The following KIF26B variants were observed in gnomAD, a reference collection of about 807,000 sequenced individuals.
KIF26B encodes the protein kinesin family member 26B, also known as kinesin-like protein KIF26B.
Under a neutral mutation model 151.2 loss-of-function variants are expected in KIF26B, and 63 were observed. The ratio of observed to expected loss-of-function variants is 0.42; its 90% CI spans 0.34 to 0.51. The LOEUF (loss-of-function observed/expected upper bound fraction) is 0.51, where lower values mean the gene tolerates loss of function less well. KIF26B is among the 20% of genes least tolerant of loss of function. KIF26B has a pLI of 0.07. For synonymous variants in KIF26B, 1,357 were observed against 1,262.1 expected, an observed-to-expected ratio of 1.08 and a Z score of -1.59; for missense variants, 2,813 against 2,913.6, an observed-to-expected ratio of 0.97 and a Z score of 0.79.
intron 2 of KIF26B, among the ~76,000 whole-genome samples, chr1:245,243,877 AGAAAGGAAAG>A (rs56034883): frequency 6.6e-6 from 1 of 151,198 alleles, no homozygotes. Context: ...AGAAAAAGAA[AGAAAGGAAAG>A]GAAAGGAAAG....
chr1:245,656,428 G>A (rs766019077), intron 10 of KIF26B, among the ~76,000 whole-genome samples: 7 of 152,186 alleles, frequency 4.6e-5, no homozygotes, highest in Non-Finnish European at 1.0e-4. Flanking sequence ...CACAAATCAT[G>A]ACAAACCACT....
At chr1:245,568,082 T>C (rs1311334170) in intron 5 of KIF26B, among the ~76,000 whole-genome samples, 3 of 145,830 alleles carry the variant, frequency 2.1e-5, no homozygotes, top group Admixed American at 7.3e-5. Flanking sequence ...GGCAGGAGAA[T>C]TGCTTGAACT....
rs140752528 is a variant in KIF26B at position 245,302,749 on chromosome 1, G to T, written c.466-64085G>T. The stretch of plus-strand genomic sequence containing the variant: ...CTCACACCTGTAATCCCAGCACTTT[G>T]GGAGGCCAAGGTGGGCGGACCAAGA... On this transcript the variant is annotated intron_variant, in intron 2 of 14. Coordinates refer to ENST00000407071, the MANE Select transcript of KIF26B (RefSeq NM_018012.4). Among the ~76,000 whole-genome samples, 11 of 152,188 alleles carry T rather than the reference G, an allele frequency of 7.2e-5. No individual in the cohort carries two copies. In the East Asian group the frequency reaches 2.1e-3, roughly 29 times the overall value.
intron 2 of KIF26B, among the ~76,000 whole-genome samples, chr1:245,231,471 G>A (rs1057439527): frequency 2.6e-5 from 4 of 152,100 alleles, no homozygotes; most frequent in African/African-American, 4.8e-5. Context: ...AGCCAAGTTC[G>A]TGCCACTGCG....
chr1:245,577,277 A>T (rs2043127162), intron 5 of KIF26B, among the ~76,000 whole-genome samples: 2 of 152,102 alleles, frequency 1.3e-5, no homozygotes, highest in South Asian at 4.2e-4. Flanking sequence ...TATCCTCTGG[A>T]TGCCAGTAGC....
intron 2 of KIF26B, among the ~76,000 whole-genome samples, chr1:245,283,512 T>C (rs537557159): frequency 5.3e-5 from 8 of 152,178 alleles, no homozygotes; most frequent in Non-Finnish European, 1.0e-4. Context: ...GGGGAGTTAT[T>C]GGTCTGTGAC....
At chr1:245,165,782 G>A (rs1369686920) in intron 2 of KIF26B, among the ~76,000 whole-genome samples, 2 of 152,192 alleles carry the variant, frequency 1.3e-5, no homozygotes, top group Non-Finnish European at 2.9e-5. Flanking sequence ...AAGGTCTGAT[G>A]CCCTGGAGAG....
chr1:245,299,956 A>C (rs980556252), intron 2 of KIF26B, among the ~76,000 whole-genome samples: 3 of 152,216 alleles, frequency 2.0e-5, no homozygotes, highest in African/African-American at 7.2e-5. Context: ...TCCTGGGAAC[A>C]TCTCTGTTGA....
intron 2 of KIF26B, among the ~76,000 whole-genome samples, chr1:245,209,854 G>A (rs575886406): frequency 5.3e-5 from 8 of 152,336 alleles, no homozygotes; most frequent in East Asian, 3.9e-4. Flanking sequence ...GGCACTGCCC[G>A]ACCCAGGGGA....
At position 245,407,083 on chromosome 1, in the gene KIF26B, C is replaced by T. The variant is rs111944775; in HGVS notation, c.1000-12496C>T. Among the ~76,000 whole-genome samples the T allele has an allele frequency of 1.5e-3, 221 of 152,248 alleles. 1 individual carries two copies. Among genetic ancestry groups the T allele is most frequent in the African/African-American group, 4.9e-3 (203 of 41,538 alleles). ...GATGACAGGTGTAAGCCACTGTGCC[C>T]GGCCCAGGTCTATTTTTTAAATGGA... is the stretch of plus-strand genomic sequence containing the variant. On this transcript the variant is annotated intron_variant, in intron 3 of 14. Coordinates refer to ENST00000407071, the MANE Select transcript of KIF26B (RefSeq NM_018012.4).
At chr1:245,631,679 A>C (rs2043783044) in intron 9 of KIF26B, among the ~76,000 whole-genome samples, 1 of 151,398 alleles carries the variant, frequency 6.6e-6, no homozygotes, top group South Asian at 2.1e-4. Flanking sequence ...GTTTTACTTT[A>C]CTCCTTAATT....
chr1:245,569,669 G>A (rs2043045308), intron 5 of KIF26B, among the ~76,000 whole-genome samples: 1 of 151,966 alleles, frequency 6.6e-6, no homozygotes, highest in Non-Finnish European at 1.5e-5. Flanking sequence ...GTGCATGCCT[G>A]TAGTTCCAGC....
At chr1:245,317,527 C>A (rs1272749865) in intron 2 of KIF26B, among the ~76,000 whole-genome samples, 1 of 152,200 alleles carries the variant, frequency 6.6e-6, no homozygotes. Flanking sequence ...GGAGCCTGGG[C>A]TTTTATTTGG....
intron 2 of KIF26B, among the ~76,000 whole-genome samples, chr1:245,220,916 A>C (rs758977203): frequency 1.3e-5 from 2 of 152,022 alleles, no homozygotes; most frequent in Non-Finnish European, 2.9e-5. Flanking sequence ...CAGGATGCTC[A>C]AGTTGAAGCC....
At chr1:245,231,391 G>A (rs377032729) in intron 2 of KIF26B, among the ~76,000 whole-genome samples, 2 of 151,734 alleles carry the variant, frequency 1.3e-5, no homozygotes, top group Non-Finnish European at 2.9e-5. Flanking sequence ...TGGCAGGCAC[G>A]TGTAATCCCA....
At chr1:245,584,532 G>A (rs1354586915) in intron 5 of KIF26B, among the ~76,000 whole-genome samples, 1 of 152,198 alleles carries the variant, frequency 6.6e-6, no homozygotes, top group Non-Finnish European at 1.5e-5. Flanking sequence ...TGCCAGAACA[G>A]TGTCCTCTAG....
At chr1:245,276,301 C>G (rs1295790180) in intron 2 of KIF26B, among the ~76,000 whole-genome samples, 6 of 151,984 alleles carry the variant, frequency 3.9e-5, no homozygotes, top group Admixed American at 3.9e-4. Flanking sequence ...CACCCCTGCA[C>G]TCCAGCCTGG....
intron 2 of KIF26B, among the ~76,000 whole-genome samples, chr1:245,184,766 A>G (rs1216037806): frequency 6.6e-6 from 1 of 152,234 alleles, no homozygotes; most frequent in Admixed American, 6.5e-5. Context: ...GGTGCACCCA[A>G]ACCTTATATC....
chr1:245,414,523 C>T (rs1335753412), intron 3 of KIF26B, among the ~76,000 whole-genome samples: 1 of 152,160 alleles, frequency 6.6e-6, no homozygotes, highest in East Asian at 1.9e-4. Context: ...CCTTCAGAAA[C>T]AGTCGGAAGT....
Sources: gnomAD v4.1 joint callset for allele counts (sites outside exome capture counted in the v4.1 genomes callset) on GRCh38, gnomAD v4.1.1 for gene constraint, MANE v1.5 for transcripts, NCBI Gene and HGNC (gene_info 2026-07-23, HGNC 2026-07-21) for gene names.